Variants in RORA observed in about 807,000 individuals in gnomAD.
RORA encodes RAR related orphan receptor A, also known as nuclear receptor ROR-alpha.
RORA carries 7 observed loss-of-function variants against 69.5 expected under a neutral mutation model. That is an observed-to-expected ratio of 0.10 (90% CI 0.06 to 0.19). The LOEUF is 0.19. Ranked by LOEUF, RORA falls within the 10% of genes least tolerant of loss-of-function variation. The pLI is 1.00. For synonymous variants in RORA, 261 were observed against 240.8 expected (o/e 1.08, Z -0.78); for missense variants, 457 against 663.0 (o/e 0.69, Z 3.41).
intron 3 of RORA, among the ~76,000 whole-genome samples, chr15:60,525,603 C>A (rs1446470156): frequency 1.3e-5 from 2 of 152,216 alleles, no homozygotes; most frequent in African/African-American, 4.8e-5. Flanking sequence ...TACACACTTG[C>A]TTTTGACAAC....
At chr15:60,502,729 T>G (rs879129106) in intron 8 of RORA, 31 bp downstream of exon 8, 5 of 1,337,614 alleles carry the variant, frequency 3.7e-6, no homozygotes, top group African/African-American at 1.4e-5. Context: ...TAGCCCTGAT[T>G]TGAAGAAAAG....
intron 2 of RORA, among the ~76,000 whole-genome samples, chr15:60,557,428 A>C (rs1347144390): frequency 6.6e-6 from 1 of 152,242 alleles, no homozygotes; most frequent in Non-Finnish European, 1.5e-5. Flanking sequence ...ACAAGACAAA[A>C]AAGGCCAGGG....
intron 2 of RORA, among the ~76,000 whole-genome samples, chr15:60,652,811 C>T (rs1472768940): frequency 6.6e-6 from 1 of 152,156 alleles, no homozygotes; most frequent in Non-Finnish European, 1.5e-5. Context: ...AATTAGTTCC[C>T]GCTATACAAA....
At chr15:60,518,782 A>G (rs1395085066) in intron 3 of RORA, among the ~76,000 whole-genome samples, 1 of 152,154 alleles carries the variant, frequency 6.6e-6, no homozygotes, top group Non-Finnish European at 1.5e-5. Context: ...GTTTCCCCAC[A>G]TCCCTCTCCC....
intron 8 of RORA, among the ~76,000 whole-genome samples, chr15:60,501,701 G>A (rs1371937644): frequency 3.3e-5 from 5 of 152,064 alleles, no homozygotes. Flanking sequence ...TATTCTGGTG[G>A]TAAAACTATT....
At chr15:61,058,673 G>A (rs990867843) in intron 1 of RORA, among the ~76,000 whole-genome samples, 2 of 152,208 alleles carry the variant, frequency 1.3e-5, no homozygotes, top group African/African-American at 2.4e-5. Flanking sequence ...AGTGTTCACA[G>A]AGCCAGGGGA....
At chr15:60,780,949 T>A (rs1329215250) in intron 1 of RORA, among the ~76,000 whole-genome samples, 1 of 152,204 alleles carries the variant, frequency 6.6e-6, no homozygotes, top group African/African-American at 2.4e-5. Flanking sequence ...TTGTTCCATA[T>A]CTCATTTTGT....
chr15:61,046,090 G>C (rs979979856), intron 1 of RORA, among the ~76,000 whole-genome samples: 1 of 152,166 alleles, frequency 6.6e-6, no homozygotes, highest in African/African-American at 2.4e-5. Context: ...ACGGAGAAAA[G>C]GGGAGGAAGT....
At chr15:61,018,784 A>C (rs1405281743) in intron 1 of RORA, among the ~76,000 whole-genome samples, 2 of 152,190 alleles carry the variant, frequency 1.3e-5, no homozygotes, top group Non-Finnish European at 2.9e-5. Flanking sequence ...AAATATACAC[A>C]CATATATTGA....
intron 1 of RORA, among the ~76,000 whole-genome samples, chr15:60,788,848 C>T (rs2072377463): frequency 1.3e-5 from 2 of 152,224 alleles, no homozygotes; most frequent in Non-Finnish European, 2.9e-5. Context: ...CTCTGCCTGT[C>T]TAATTAACTC....
chr15:60,754,129 C>T (rs1030436332), intron 1 of RORA, among the ~76,000 whole-genome samples: 1 of 152,202 alleles, frequency 6.6e-6, no homozygotes, highest in Admixed American at 6.5e-5. Flanking sequence ...TCTTTTGAGT[C>T]CTAATGGCAT....
chr15:61,085,645 C>T lies in RORA; in HGVS notation c.166+143408G>A, dbSNP rs117914770. On this transcript the variant is annotated intron_variant, in intron 1 of 10. Transcript: ENST00000335670. ...GATCCATGGCCCCTTTCACTCCTTA[C>T]ATCCCACTGCTCTATTCCCAGGATG... Among the ~76,000 whole-genome samples the T allele has an allele frequency of 4.6e-3, 701 of 152,352 alleles. 4 individuals are homozygous for T. The highest frequency in any genetic ancestry group is 4.9e-3 in the Non-Finnish European group (335 of 68,038).
chr15:61,134,947 G>T (rs779552946), intron 1 of RORA, among the ~76,000 whole-genome samples: 9 of 151,706 alleles, frequency 5.9e-5, no homozygotes, highest in Non-Finnish European at 1.2e-4. Flanking sequence ...ACCCTTCCAG[G>T]CCACTTCCAT....
At chr15:60,916,778 G>A (rs560335433) in intron 1 of RORA, among the ~76,000 whole-genome samples, 24 of 152,292 alleles carry the variant, frequency 1.6e-4, no homozygotes, top group African/African-American at 5.1e-4. Flanking sequence ...AAGGTCAAGT[G>A]TTAGAGATCA....
At chr15:60,591,225 C>A (rs990237652) in intron 2 of RORA, among the ~76,000 whole-genome samples, 9 of 152,216 alleles carry the variant, frequency 5.9e-5, no homozygotes, top group African/African-American at 2.2e-4. Context: ...AATCCCCAAG[C>A]CTGGCGGCCG....
chr15:60,720,513 C>G (rs1195259095), intron 1 of RORA, among the ~76,000 whole-genome samples: 1 of 152,158 alleles, frequency 6.6e-6, no homozygotes, highest in African/African-American at 2.4e-5. Flanking sequence ...CATTCATGGT[C>G]ACGCCCTTCC....
chr15:61,096,311 G>A (rs2078789477), intron 1 of RORA, among the ~76,000 whole-genome samples: 2 of 152,142 alleles, frequency 1.3e-5, no homozygotes, highest in South Asian at 4.2e-4. Flanking sequence ...TCTGGTATAA[G>A]TTCACAAGCA....
chr15:60,500,873 T>A (rs538133147), intron 9 of RORA, 86 bp downstream of exon 9: 2 of 713,470 alleles, frequency 2.8e-6, no homozygotes, highest in Non-Finnish European at 4.8e-6. Context: ...CCAAATATTT[T>A]ATAGCTATTA....
intron 1 of RORA, among the ~76,000 whole-genome samples, chr15:60,842,993 T>C (rs2140405400): frequency 6.6e-6 from 1 of 152,228 alleles, no homozygotes; most frequent in South Asian, 2.1e-4. Flanking sequence ...AGCAGCCTCT[T>C]TCTCTGTCCA....
Sources: allele counts gnomAD v4.1 joint callset (sites outside exome capture counted in the v4.1 genomes callset), GRCh38; gene constraint gnomAD v4.1.1; transcripts MANE v1.5; gene names NCBI Gene and HGNC (gene_info 2026-07-23, HGNC 2026-07-21).